The following NCOA3 variants were observed in gnomAD, a reference collection of about 807,000 sequenced individuals.
The protein encoded by NCOA3 is nuclear receptor coactivator 3, also known as CBP-interacting protein.
NCOA3 carries 51 observed loss-of-function variants against 158.8 expected under a neutral mutation model. That is an observed-to-expected ratio of 0.32 (90% CI 0.26 to 0.41). The LOEUF is 0.41. NCOA3 is among the 10% of genes least tolerant of loss of function. NCOA3 has a pLI of 1.00. For missense variants in NCOA3, 1,510 were observed against 1,746.6 expected, an observed-to-expected ratio of 0.86 and a Z score of 2.41; for synonymous variants, 537 against 592.4, an observed-to-expected ratio of 0.91 and a Z score of 1.36.
intron 13 of NCOA3, among the ~76,000 whole-genome samples, chr20:47,638,714 C>T (rs1194867963): frequency 2.0e-5 from 3 of 151,952 alleles, no homozygotes; most frequent in African/African-American, 7.3e-5. Flanking sequence ...TTAAGTGAAG[C>T]GCAGAGTATC....
intron 1 of NCOA3, among the ~76,000 whole-genome samples, chr20:47,514,979 C>G (rs1181670142): frequency 6.6e-6 from 1 of 151,114 alleles, no homozygotes; most frequent in Non-Finnish European, 1.5e-5. Flanking sequence ...GCCACCACAC[C>G]CAGCCTCTTG....
chr20:47,538,370 G>A (rs1007149879), intron 1 of NCOA3, among the ~76,000 whole-genome samples: 4 of 152,194 alleles, frequency 2.6e-5, no homozygotes, highest in African/African-American at 4.8e-5. Context: ...GTAGAGAGTA[G>A]TGGTGAACCT....
chr20:47,624,178 C>G (rs997358030), intron 4 of NCOA3, 95 bp downstream of exon 4: 1 of 1,022,864 alleles, frequency 9.8e-7, no homozygotes, highest in Non-Finnish European at 1.4e-6. Flanking sequence ...TTCCATGGAC[C>G]TGGTAGAGGG....
At chr20:47,629,627 G>A (rs867768733) in intron 8 of NCOA3, among the ~76,000 whole-genome samples, 7 of 152,076 alleles carry the variant, frequency 4.6e-5, no homozygotes, top group South Asian at 2.1e-4. Flanking sequence ...CACCATGCCC[G>A]GCTGTATGTT....
At chr20:47,550,691 G>A (rs1464568141) in intron 1 of NCOA3, among the ~76,000 whole-genome samples, 1 of 152,102 alleles carries the variant, frequency 6.6e-6, no homozygotes, top group Non-Finnish European at 1.5e-5. Flanking sequence ...AGATTATACT[G>A]AAAGAATTGA....
At chr20:47,550,956 C>T (rs545897234) in intron 1 of NCOA3, among the ~76,000 whole-genome samples, 2 of 152,206 alleles carry the variant, frequency 1.3e-5, no homozygotes, top group South Asian at 2.1e-4. Flanking sequence ...TTTTTCAATA[C>T]TTAGACCTTA....
At chr20:47,599,541 A>G (rs911614906) in intron 2 of NCOA3, among the ~76,000 whole-genome samples, 2 of 152,254 alleles carry the variant, frequency 1.3e-5, no homozygotes, top group Non-Finnish European at 2.9e-5. Context: ...ATGTGAATTA[A>G]TATCTCAGTA....
At chr20:47,583,466 C>G (rs1450125740) in intron 2 of NCOA3, among the ~76,000 whole-genome samples, 3 of 152,142 alleles carry the variant, frequency 2.0e-5, no homozygotes, top group African/African-American at 7.2e-5. Flanking sequence ...CAACTGAGGA[C>G]TGGGGACACT....
intron 1 of NCOA3, among the ~76,000 whole-genome samples, chr20:47,518,128 C>G (rs2084264568): frequency 6.6e-6 from 1 of 151,908 alleles, no homozygotes; most frequent in African/African-American, 2.4e-5. Context: ...GGGAGAATTG[C>G]TTGAGTCCAG....
At chr20:47,598,437 G>T (rs1056852321) in intron 2 of NCOA3, among the ~76,000 whole-genome samples, 35 of 152,000 alleles carry the variant, frequency 2.3e-4, no homozygotes, top group African/African-American at 8.4e-4. Context: ...CTGGGTTCAC[G>T]CGGTTCTCCT....
chr20:47,520,670 C>T (rs955025771), intron 1 of NCOA3, among the ~76,000 whole-genome samples: 3 of 151,522 alleles, frequency 2.0e-5, no homozygotes, highest in Non-Finnish European at 4.4e-5. Context: ...TCTTGTCTTG[C>T]CTTGCCTGCC....
intron 16 of NCOA3, among the ~76,000 whole-genome samples, chr20:47,641,487 C>CTCCTTTT: frequency 9.8e-6 from 1 of 101,900 alleles, no homozygotes; most frequent in Non-Finnish European, 2.0e-5. Context: ...GCCTGGCTCC[C>CTCCTTTT]TTCTTTTTTT....
intron 2 of NCOA3, among the ~76,000 whole-genome samples, chr20:47,616,769 G>A (rs935387104): frequency 1.3e-5 from 2 of 152,132 alleles, no homozygotes; most frequent in African/African-American, 4.8e-5. Context: ...TCTTGGAAGT[G>A]CATTAGAGGT....
chr20:47,655,734 T>C lies in NCOA3; in HGVS notation c.*2317T>C, dbSNP rs1426231727. The C allele has an allele frequency of 6.6e-6, 1 of 152,546 alleles. No individual in the cohort carries two copies. Among genetic ancestry groups the C allele is most frequent in the Non-Finnish European group, 1.5e-5 (1 of 68,036 alleles). The allele number at this position is 152,546 out of a possible 1,614,324, so 9.4% of individuals were successfully genotyped here. On this transcript the variant is annotated 3_prime_UTR_variant, in exon 23 of 23. Coordinates refer to ENST00000371998, the MANE Select transcript of NCOA3 (RefSeq NM_181659.3). ...ATGTGTGTGGGGAGAAATAGAATGG[T>C]GCTCTTATCTTTCTTGACTTTAAAA...
At chr20:47,653,347 T>C (rs2086826905) in intron 22 of NCOA3, 59 bp from the exon 23 acceptor site, 3 of 1,577,326 alleles carry the variant, frequency 1.9e-6, no homozygotes, top group Non-Finnish European at 2.6e-6. Context: ...TTTTTTGTTG[T>C]GCAAAGCATG....
intron 1 of NCOA3, among the ~76,000 whole-genome samples, chr20:47,523,740 G>A (rs998477756): frequency 2.6e-5 from 4 of 152,148 alleles, no homozygotes; most frequent in Non-Finnish European, 4.4e-5. Context: ...AAGTCCTAGC[G>A]GACTCAGCGA....
intron 2 of NCOA3, among the ~76,000 whole-genome samples, chr20:47,620,887 T>A (rs1475155967): frequency 6.6e-6 from 1 of 152,230 alleles, no homozygotes; most frequent in Non-Finnish European, 1.5e-5. Flanking sequence ...CATTTTCTTA[T>A]AGCTTCCTTT....
intron 1 of NCOA3, among the ~76,000 whole-genome samples, chr20:47,571,880 A>AC (rs2085300775): frequency 6.6e-6 from 1 of 151,672 alleles, no homozygotes; most frequent in African/African-American, 2.4e-5. Flanking sequence ...GGCACATGCC[A>AC]CCATGCTCGA....
At chr20:47,567,458 A>G (rs1182636384) in intron 1 of NCOA3, among the ~76,000 whole-genome samples, 2 of 151,560 alleles carry the variant, frequency 1.3e-5, no homozygotes, top group African/African-American at 4.9e-5. Context: ...AGTGCAGTGC[A>G]GTGGTGCAAT....
Sources: gnomAD v4.1 joint callset for allele counts (sites outside exome capture counted in the v4.1 genomes callset) on GRCh38, gnomAD v4.1.1 for gene constraint, MANE v1.5 for transcripts, NCBI Gene and HGNC (gene_info 2026-07-23, HGNC 2026-07-21) for gene names.